STS: variants seen among roughly 807,000 people sequenced by gnomAD.
STS encodes steryl-sulfatase.
A neutral mutation model predicts 26.8 loss-of-function variants in STS; 7 were observed. The observed-to-expected ratio is 0.26, with a 90% confidence interval of 0.15 to 0.49. STS has a LOEUF of 0.49. STS is among the 20% of genes least tolerant of loss of function. The probability of loss-of-function intolerance (pLI) is 0.98; values close to 1 mark genes in which losing one functional copy is unlikely to be tolerated. For missense variants in STS, 434 were observed against 465.6 expected (o/e 0.93, Z 0.63); for synonymous variants, 199 against 189.4 (o/e 1.05, Z -0.42).
rs575195736 is a variant in STS, at chrX:7,205,488, G to T, written c.-5+14480G>T. On this transcript the variant is annotated intron_variant, in intron 2 of 10. Coordinates refer to ENST00000674429, the MANE Select transcript of STS (RefSeq NM_001320752.2). ...CTTCAGCTTGAGGAGCAAATAGTGG[G>T]CACTCAGTGTATTCACTGACTTTAT... 8.1e-5 allele frequency among the ~76,000 whole-genome samples: 9 copies of T among 111,660 alleles called. No individual in the cohort carries two copies. In the South Asian group the frequency reaches 3.4e-3, roughly 42 times the overall value.
chrX:7,158,766 C>T (rs918035158), intron 1 of STS, among the ~76,000 whole-genome samples: 4 of 111,732 alleles, frequency 3.6e-5, no homozygotes, highest in Admixed American at 9.5e-5. Flanking sequence ...TTTAGCCTTT[C>T]ATTCGACATT....
intron 2 of STS, among the ~76,000 whole-genome samples, chrX:7,225,285 C>T (rs1205237067): frequency 1.8e-5 from 2 of 111,621 alleles, no homozygotes; most frequent in Non-Finnish European, 3.8e-5. Context: ...TGCTGGAGGT[C>T]CCCAGGTTCA....
At chrX:7,168,931 G>A (rs771812798) in intron 1 of STS, among the ~76,000 whole-genome samples, 18 of 111,294 alleles carry the variant, frequency 1.6e-4, no homozygotes, top group Admixed American at 6.7e-4. Context: ...AAGGCTTTAT[G>A]GTATTAACAA....
At position 7,246,601 on chromosome X, in the gene STS, C is replaced by T. The variant is rs112903794; in HGVS notation, c.-4-6595C>T. Among the ~76,000 whole-genome samples the T allele has an allele frequency of 3.9e-3, 435 of 111,586 alleles. 2 individuals are homozygous for T. The highest frequency in any genetic ancestry group is 0.014 in the African/African-American group (418 of 30,764). On this transcript the variant is annotated intron_variant, in intron 2 of 10. Transcript: ENST00000674429. ...GATTACAGGCGTGAGCCACCGCGCC[C>T]GGCCCTGGGAGAGACTTTCAACTTA... is the stretch of plus-strand genomic sequence containing the variant.
chrX:7,195,971 C>A (rs750419564), intron 2 of STS, among the ~76,000 whole-genome samples: 3 of 112,606 alleles, frequency 2.7e-5, no homozygotes, highest in African/African-American at 9.7e-5. Flanking sequence ...ATACCCTCTC[C>A]TGCATCTTAG....
At chrX:7,258,247 G>T (rs1269832106) in intron 5 of STS, among the ~76,000 whole-genome samples, 4 of 100,972 alleles carry the variant, frequency 4.0e-5, no homozygotes, top group Non-Finnish European at 4.1e-5. Flanking sequence ...AATAGATGAT[G>T]ATAGATATGA....
At chrX:7,275,214 G>T (rs1924470660) in intron 6 of STS, among the ~76,000 whole-genome samples, 1 of 111,482 alleles carries the variant, frequency 9.0e-6, no homozygotes, top group Non-Finnish European at 1.9e-5. Flanking sequence ...GGAATAGTTT[G>T]GGGATGTATT....
chrX:7,315,644 G>C (rs750810923), intron 8 of STS, among the ~76,000 whole-genome samples: 1 of 111,566 alleles, frequency 9.0e-6, no homozygotes, highest in South Asian at 3.8e-4. Flanking sequence ...AGGTCCGAGA[G>C]CCCCTGGCAA....
chrX:7,325,080 G>A lies in STS; in HGVS notation c.1082-259G>A, dbSNP rs139985690. Among the ~76,000 whole-genome samples the A allele has an allele frequency of 0.012, 1,371 of 111,624 alleles. 14 individuals are homozygous for A. Among genetic ancestry groups the A allele is most frequent in the Non-Finnish European group, 0.021 (1,098 of 53,142 alleles). Reference sequence around the variant, plus strand: ...CTTTGGTGACTCAAATCTTTGTTGCGTTGAGTCCCTCTGATTACAAAGTTT... The same window carrying A: ...CTTTGGTGACTCAAATCTTTGTTGCATTGAGTCCCTCTGATTACAAAGTTT... On this transcript the variant is annotated intron_variant, in intron 8 of 10. Transcript: ENST00000674429.
At chrX:7,215,955 A>G (rs977723342) in intron 2 of STS, among the ~76,000 whole-genome samples, 39 of 111,900 alleles carry the variant, frequency 3.5e-4, no homozygotes, top group Admixed American at 2.3e-3. Context: ...GACCAATGCT[A>G]GGTCCTGCTT....
chrX:7,172,246 G>A (rs1445414074), intron 1 of STS, among the ~76,000 whole-genome samples: 1 of 111,520 alleles, frequency 9.0e-6, no homozygotes, highest in East Asian at 2.8e-4. Context: ...TAGGACTGTA[G>A]AAGCAGCATC....
intron 2 of STS, among the ~76,000 whole-genome samples, chrX:7,247,528 G>A (rs1036411845): frequency 5.3e-5 from 6 of 112,358 alleles, no homozygotes; most frequent in African/African-American, 1.9e-4. Flanking sequence ...CAACTGTATA[G>A]GATGTTGTAA....
intron 2 of STS, among the ~76,000 whole-genome samples, chrX:7,210,568 A>C (rs1347590228): frequency 9.3e-6 from 1 of 107,309 alleles, no homozygotes; most frequent in Admixed American, 1.0e-4. Flanking sequence ...TAAATATATA[A>C]ATTGATGTAT....
chrX:7,263,364 C>T (rs1049824009), intron 6 of STS, among the ~76,000 whole-genome samples: 2 of 112,860 alleles, frequency 1.8e-5, no homozygotes, highest in African/African-American at 3.2e-5. Context: ...CCACCACGCC[C>T]GGCCACGTTT....
chrX:7,324,974 C>T (rs111908901), intron 8 of STS, among the ~76,000 whole-genome samples: 3 of 111,155 alleles, frequency 2.7e-5, no homozygotes, highest in Non-Finnish European at 3.8e-5. Flanking sequence ...CACTTGGGGG[C>T]ACCATTATTT....
rs1245411655 is a variant in STS, at chrX:7,222,261, G to A, written c.-4-30935G>A. Among the ~76,000 whole-genome samples, 3 of 111,966 alleles carry A rather than the reference G, an allele frequency of 2.7e-5. No homozygotes were observed. The Admixed American group carries it at 2.8e-4, about 11-fold the overall frequency. ...ATAACAGCCAAACAGACCAATGCAA[G>A]AACCATTTTAATAAACAAGGAATTG... On this transcript the variant is annotated intron_variant, in intron 2 of 10. Transcript: ENST00000674429.
At chrX:7,176,086 C>G (rs1286450378) in intron 1 of STS, among the ~76,000 whole-genome samples, 12 of 111,760 alleles carry the variant, frequency 1.1e-4, no homozygotes, top group African/African-American at 3.9e-4. Context: ...AGTTTATCTC[C>G]TTTCCATTCA....
chrX:7,155,840 C>T lies in STS; in HGVS notation c.-134+7757C>T, dbSNP rs912468168. Among the ~76,000 whole-genome samples, 15 of 111,751 alleles carry T rather than the reference C, an allele frequency of 1.3e-4. No individual in the cohort carries two copies. In the East Asian group the frequency reaches 2.8e-3, roughly 21 times the overall value. On this transcript the variant is annotated intron_variant, in intron 1 of 10. Coordinates refer to ENST00000674429, the MANE Select transcript of STS (RefSeq NM_001320752.2). ...TGAAATAACCTGCTATATATCGTTCCTCTTAAAGTTGCAATTTCCGAGAAT... is the reference window on the plus strand; with the variant it reads ...TGAAATAACCTGCTATATATCGTTCTTCTTAAAGTTGCAATTTCCGAGAAT...
chrX:7,290,338 G>A (rs1282268311), intron 7 of STS, among the ~76,000 whole-genome samples: 3 of 111,355 alleles, frequency 2.7e-5, no homozygotes, highest in Middle Eastern at 4.6e-3. Context: ...TTGTCACGCT[G>A]CCGCTGTCAT....
Sources: gnomAD v4.1 joint callset for allele counts (sites outside exome capture counted in the v4.1 genomes callset) on GRCh38, gnomAD v4.1.1 for gene constraint, MANE v1.5 for transcripts, NCBI Gene and HGNC (gene_info 2026-07-23, HGNC 2026-07-21) for gene names.